Variants in MAPK13 observed in about 807,000 individuals in gnomAD.
MAPK13 encodes the protein mitogen-activated protein kinase 13.
Under a neutral mutation model 53.5 loss-of-function variants are expected in MAPK13, and 39 were observed. The ratio of observed to expected loss-of-function variants is 0.73; its 90% CI spans 0.56 to 0.95. The LOEUF is 0.95. MAPK13 is among the 40% of genes least tolerant of loss of function. MAPK13 has a pLI of 0.00. For synonymous variants in MAPK13, 179 were observed against 190.9 expected (o/e 0.94, Z 0.51); for missense variants, 460 against 471.8 (o/e 0.98, Z 0.23).
At chr6:36,139,213 C>A in intron 11 of MAPK13, 81 bp from the exon 12 acceptor site, 2 of 1,470,972 alleles carry the variant, frequency 1.4e-6, no homozygotes, top group South Asian at 1.1e-5. Context: ...TGACTTCGCT[C>A]TCCATGCTGT....
Position 36,138,419 on chromosome 6 carries a change from TTG to T in MAPK13, c.740_741del (p.Val247AlafsTer62). 3 of 1,613,870 alleles carry T rather than the reference TTG, an allele frequency of 1.9e-6. No homozygotes were observed. The highest frequency in any genetic ancestry group is 2.5e-6 in the Non-Finnish European group (3 of 1,179,934). ...GTGACCGGGGTGCCTGGCACGGAGTTTGTGCAGAAGCTGAACGACAAAGCGGT... is the reference window on the plus strand; with the variant it reads ...GTGACCGGGGTGCCTGGCACGGAGTTTGCAGAAGCTGAACGACAAAGCGGT... On this transcript the variant is annotated frameshift_variant, in exon 9 of 12. Coordinates refer to ENST00000211287, the MANE Select transcript of MAPK13 (RefSeq NM_002754.5). LOFTEE classifies it high-confidence loss of function.
Position 36,138,418 on chromosome 6 carries a change from T to C in MAPK13, c.736T>C (p.Phe246Leu), listed in dbSNP as rs758029820. The change falls in exon 9 of 12, where the codon TTT (phenylalanine) becomes CTT (leucine). Residue 246 changes from phenylalanine (F) to leucine (L), a missense_variant. Transcript: ENST00000211287. ...AGTGACCGGGGTGCCTGGCACGGAG[T>C]TTGTGCAGAAGCTGAACGACAAAGC... ...LKVTGVPGTEFVQKLNDKAAK... is the reference protein window; with the variant it reads ...LKVTGVPGTELVQKLNDKAAK... The C allele has an allele frequency of 5.6e-6, 9 of 1,612,786 alleles. No homozygotes were observed. The highest frequency in any genetic ancestry group is 7.6e-6 in the Non-Finnish European group (9 of 1,179,744).
Position 36,144,398 on chromosome 6 carries a change from CTGTAAAGGGA to C in MAPK13, c.*5027_*5036del, listed in dbSNP as rs1176769923. On this transcript the variant is annotated 3_prime_UTR_variant, in exon 12 of 12. Transcript: ENST00000211287. ...TTTTAAGATAGATACCTGTGGCAAA[CTGTAAAGGGA>C]TATGAAAAACTCTGTAATTTCTATT... The C allele has an allele frequency of 3.3e-5, 5 of 151,968 alleles. No homozygotes were observed. The highest frequency in any genetic ancestry group is 9.7e-5 in the African/African-American group (4 of 41,312). The allele number at this position is 151,968 out of a possible 1,614,324, so 9.4% of individuals were successfully genotyped here.
chr6:36,134,573 A>C (rs956696108), intron 3 of MAPK13, among the ~76,000 whole-genome samples: 2 of 151,774 alleles, frequency 1.3e-5, no homozygotes, highest in Admixed American at 1.3e-4. Context: ...TTTTGTTTTA[A>C]TTTTTATAGA....
At chr6:36,133,378 G>C (rs1766355826) in intron 3 of MAPK13, among the ~76,000 whole-genome samples, 1 of 152,178 alleles carries the variant, frequency 6.6e-6, no homozygotes, top group African/African-American at 2.4e-5. Context: ...CAGAGGGGGA[G>C]AGCCTGGAGG....
In MAPK13 at chr6:36,135,875, T is replaced by C. The variant is rs544969325; in HGVS notation, c.417+14T>C. ...AAAGGCCTTAAGGTGGGTGGGGACTTGGAGGCTGGCAGAGGGGACGCCTTG... is the reference window on the plus strand; with the variant it reads ...AAAGGCCTTAAGGTGGGTGGGGACTCGGAGGCTGGCAGAGGGGACGCCTTG... On this transcript the variant is annotated intron_variant, in intron 4 of 11. Coordinates refer to ENST00000211287, the MANE Select transcript of MAPK13 (RefSeq NM_002754.5). The C allele has an allele frequency of 1.4e-5, 23 of 1,608,556 alleles. No individual in the cohort carries two copies. The African/African-American group carries it at 1.9e-4, about 13-fold the overall frequency.
At chr6:36,135,977 G>GC in intron 4 of MAPK13, 42 bp from the exon 5 acceptor site, 1 of 1,613,664 alleles carries the variant, frequency 6.2e-7, no homozygotes, top group Non-Finnish European at 8.5e-7. Context: ...GCCTGGTGTG[G>GC]AAGCTGGGCC....
At position 36,136,797 on chromosome 6, in the gene MAPK13, G is replaced by A. The variant is rs757800145; in HGVS notation, c.610+27G>A. The A allele has an allele frequency of 2.5e-6, 4 of 1,611,906 alleles. No homozygotes were observed. In the African/African-American group the frequency reaches 5.3e-5, roughly 22 times the overall value. ...TCAGTGGTCAATGCCTGAGAGGGCG[G>A]TCCTGGGGCCATCTGGTCACTCGGT... is the stretch of plus-strand genomic sequence containing the variant. On this transcript the variant is annotated intron_variant, in intron 7 of 11. Coordinates refer to ENST00000211287, the MANE Select transcript of MAPK13 (RefSeq NM_002754.5).
chr6:36,138,948 C>G lies in MAPK13; in HGVS notation c.911C>G (p.Thr304Ser). 1 of 1,613,758 alleles carries G rather than the reference C, an allele frequency of 6.2e-7. No homozygotes were observed. The highest frequency in any genetic ancestry group is 8.5e-7 in the Non-Finnish European group (1 of 1,179,844). Reference protein sequence around the residue: ...DKRLTAAQALTHPFFEPFRDP... With the variant: ...DKRLTAAQALSHPFFEPFRDP... ...CGCCTGACGGCCGCGCAGGCCCTCA[C>G]CCATCCCTTCTTTGAACCCTTCCGG... The change falls in exon 11 of 12, where the codon ACC becomes AGC. Residue 304 changes from threonine (T) to serine (S), a missense_variant. Coordinates refer to ENST00000211287, the MANE Select transcript of MAPK13 (RefSeq NM_002754.5).
At chr6:36,137,197 C>T (rs1245458351) in intron 8 of MAPK13, among the ~76,000 whole-genome samples, 10 of 151,894 alleles carry the variant, frequency 6.6e-5, no homozygotes, top group Non-Finnish European at 5.9e-5. Flanking sequence ...TAGGGAGACC[C>T]CATCTCTAAA....
At position 36,139,921 on chromosome 6, in the gene MAPK13, T is replaced by A. The variant is rs1248483437; in HGVS notation, c.*548T>A. The A allele has an allele frequency of 1.3e-5, 2 of 154,362 alleles. No homozygotes were observed. The highest frequency in any genetic ancestry group is 2.9e-5 in the Non-Finnish European group (2 of 69,462). The allele number at this position is 154,362 out of a possible 1,614,324, so 9.6% of individuals were successfully genotyped here. On this transcript the variant is annotated 3_prime_UTR_variant, in exon 12 of 12. Coordinates refer to ENST00000211287, the MANE Select transcript of MAPK13 (RefSeq NM_002754.5). ...GCTGCATCACTCCAGTCTCTGTCTCTTCTGTTCTCTCCTCTTTTAACAACA... is the reference window on the plus strand; with the variant it reads ...GCTGCATCACTCCAGTCTCTGTCTCATCTGTTCTCTCCTCTTTTAACAACA...
chr6:36,139,109 G>T (rs1278152470), intron 11 of MAPK13, 54 bp downstream of exon 11: 2 of 1,524,824 alleles, frequency 1.3e-6, no homozygotes, highest in Admixed American at 2.1e-5. Flanking sequence ...TCTCTTCCTT[G>T]CTTCCTCCAT....
chr6:36,136,973 A>G (rs1309571384), intron 8 of MAPK13, 23 bp downstream of exon 8: 12 of 1,605,276 alleles, frequency 7.5e-6, no homozygotes, highest in Non-Finnish European at 1.0e-5. Flanking sequence ...GGAAAAGCCA[A>G]ACTCCATCTA....
chr6:36,136,443 C>G (rs1561789877), intron 5 of MAPK13, 41 bp from the exon 6 acceptor site: 1 of 1,526,824 alleles, frequency 6.5e-7, no homozygotes. Context: ...CAAGCTCCAT[C>G]TCTGCCTCAG....
At position 36,143,519 on chromosome 6, in the gene MAPK13, CATGGCCCCAAGCA is replaced by C. The variant is rs1766575692; in HGVS notation, c.*4150_*4162del. ...GCTAGGGTGTGGAAAACTGTTTTTC[CATGGCCCCAAGCA>C]ATGCTATAGCTACAGCTGAGGAGGG... On this transcript the variant is annotated 3_prime_UTR_variant, in exon 12 of 12. Transcript: ENST00000211287. 1.3e-5 allele frequency: 2 copies of C among 152,118 alleles called. No homozygotes were observed. The highest frequency in any genetic ancestry group is 1.3e-4 in the Admixed American group (2 of 15,270). The allele number at this position is 152,118 out of a possible 1,614,324, so 9.4% of individuals were successfully genotyped here. A position where few individuals can be genotyped will look rare whatever the true frequency, so the allele number is the denominator to read the frequency against.
intron 5 of MAPK13, 71 bp from the exon 6 acceptor site, chr6:36,136,413 G>T: frequency 7.4e-7 from 1 of 1,350,156 alleles, no homozygotes; most frequent in South Asian, 1.4e-5. Flanking sequence ...TCACACCCCT[G>T]GGTGGTGGTG....
chr6:36,137,171 A>G (rs1396386154), intron 8 of MAPK13, among the ~76,000 whole-genome samples: 2 of 151,884 alleles, frequency 1.3e-5, no homozygotes, highest in African/African-American at 4.8e-5. Flanking sequence ...GGAGTTTGAG[A>G]CCAGATGTGG....
At chr6:36,138,471 G>T (rs755486919) in intron 9 of MAPK13, 27 bp downstream of exon 9, 2 of 1,609,554 alleles carry the variant, frequency 1.2e-6, no homozygotes, top group East Asian at 2.2e-5. Context: ...ACCTAGGCTG[G>T]CCTGGGCTGT....
In MAPK13 at chr6:36,132,395, C is replaced by T. The variant is rs541460209; in HGVS notation, c.250-226C>T. Among the ~76,000 whole-genome samples, 68 of 152,372 alleles carry T rather than the reference C, an allele frequency of 4.5e-4. 2 individuals carry two copies. The South Asian group carries it at 0.014, about 32-fold the overall frequency. ...ATCATTCTCCCCACCTTCCCTTCTC[C>T]CCAGCCTGACTCTCTGTCATGATTT... On this transcript the variant is annotated intron_variant, in intron 2 of 11. Coordinates refer to ENST00000211287, the MANE Select transcript of MAPK13 (RefSeq NM_002754.5).
Sources: allele counts gnomAD v4.1 joint callset (sites outside exome capture counted in the v4.1 genomes callset), GRCh38; gene constraint gnomAD v4.1.1; transcripts MANE v1.5; gene names NCBI Gene and HGNC (gene_info 2026-07-23, HGNC 2026-07-21).